Variants in SREBF2 observed in about 807,000 individuals in gnomAD.
The protein encoded by SREBF2 is sterol regulatory element binding transcription factor 2.
SREBF2 carries 55 observed loss-of-function variants against 113.1 expected under a neutral mutation model. That is an observed-to-expected ratio of 0.49 (90% confidence interval 0.39 to 0.61). The LOEUF is 0.61. SREBF2 is among the 20% of genes least tolerant of loss of function. The pLI is 0.00. For missense variants in SREBF2, 1,349 were observed against 1,487.4 expected (o/e 0.91, Z 1.53); for synonymous variants, 593 against 605.7 (o/e 0.98, Z 0.31).
intron 9 of SREBF2, among the ~76,000 whole-genome samples, chr22:41,880,113 AG>A (rs2077231334): frequency 6.6e-6 from 1 of 152,240 alleles, no homozygotes; most frequent in African/African-American, 2.4e-5. Flanking sequence ...CTGATTCAGT[AG>A]CCCTGGGGTA....
chr22:41,870,074 TCAAA>T (rs1042193974), intron 3 of SREBF2, among the ~76,000 whole-genome samples: 2 of 152,124 alleles, frequency 1.3e-5, no homozygotes, highest in Non-Finnish European at 2.9e-5. Context: ...TAGGCTGGTC[TCAAA>T]CTCCTGACCT....
At chr22:41,885,689 T>C (rs1382274399) in intron 11 of SREBF2, 1 of 158,890 alleles carries the variant, frequency 6.3e-6, no homozygotes, top group Non-Finnish European at 1.4e-5. Context: ...AGGCTTTCTC[T>C]TACTCTAGCA....
At chr22:41,856,158 G>A (rs140830120) in intron 1 of SREBF2, among the ~76,000 whole-genome samples, 2 of 151,870 alleles carry the variant, frequency 1.3e-5, no homozygotes, top group African/African-American at 2.4e-5. Flanking sequence ...ACATGGTCTT[G>A]GTCTGTCACC....
chr22:41,853,688 TA>T (rs1379417114), intron 1 of SREBF2, among the ~76,000 whole-genome samples: 2 of 152,204 alleles, frequency 1.3e-5, no homozygotes, highest in East Asian at 3.8e-4. Flanking sequence ...GTCTAACTTT[TA>T]AAAATATCTT....
chr22:41,865,374 GAGAAA>G (rs1346441264), intron 1 of SREBF2, among the ~76,000 whole-genome samples: 2 of 152,274 alleles, frequency 1.3e-5, no homozygotes, highest in Middle Eastern at 3.4e-3. Context: ...AGAGAGAAAA[GAGAAA>G]AGAATATGGA....
At chr22:41,884,816 A>G (rs2077284222) in intron 10 of SREBF2, 26 bp from the exon 11 acceptor site, 3 of 1,613,862 alleles carry the variant, frequency 1.9e-6, no homozygotes, top group Non-Finnish European at 2.5e-6. Context: ...TCCATCAACA[A>G]TAGTGTCTGT....
rs2077506752 is a variant in SREBF2 at position 41,906,115 on chromosome 22, AC to A, written c.*457del. 1 of 412,146 alleles carries A rather than the reference AC, an allele frequency of 2.4e-6. No individual in the cohort carries two copies. The highest frequency in any genetic ancestry group is 2.7e-5 in the Admixed American group (1 of 37,064). 25.5% of individuals were successfully genotyped at this position (412,146 alleles called of 1,614,324 possible). A position where few individuals can be genotyped will look rare whatever the true frequency, so the allele number is the denominator to read the frequency against. ...TCCCCTTTTTATACGAATGTTTTCT[AC>A]CAGTGTGCTTGGGTTTGCCATGATG... On this transcript the variant is annotated 3_prime_UTR_variant, in exon 19 of 19. Transcript: ENST00000361204.
rs1569389815 is a variant in SREBF2, at chr22:41,868,627, C to T, written c.555C>T (p.Val185=). 1.9e-6 allele frequency: 3 copies of T among 1,614,220 alleles called. No individual in the cohort carries two copies. The South Asian group carries it at 3.3e-5, about 18-fold the overall frequency. Residue 185 remains valine (V), a synonymous_variant, in exon 3 of 19, where the codon GTC becomes GTT. Coordinates refer to ENST00000361204, the MANE Select transcript of SREBF2 (RefSeq NM_004599.4). The part of the protein sequence containing the change: ...ATSFQVLQPQ[V]QSLVTSSQVQ... Reference sequence around the variant, plus strand: ...TCTCCCAAGTCCTTCAGCCTCAAGTCCAAAGCCTGGTGACATCCTCCCAGG... The same window carrying T: ...TCTCCCAAGTCCTTCAGCCTCAAGTTCAAAGCCTGGTGACATCCTCCCAGG...
chr22:41,862,948 C>T (rs753706169), intron 1 of SREBF2, among the ~76,000 whole-genome samples: 1 of 152,206 alleles, frequency 6.6e-6, no homozygotes, highest in Admixed American at 6.5e-5. Flanking sequence ...CACACTCTTA[C>T]GCTTCGTGAA....
Position 41,833,206 on chromosome 22 carries a change from GACGGCAC to G in SREBF2, c.-64_-58del. On this transcript the variant is annotated 5_prime_UTR_variant, in exon 1 of 19. It removes the in-frame stop codon of an upstream open reading frame in the 5' UTR. Coordinates refer to ENST00000361204, the MANE Select transcript of SREBF2 (RefSeq NM_004599.4). This position sits in a 1 kb window ranked among gnomAD's most constrained non-coding sequence, Gnocchi z 4.1. Reference sequence around the variant, plus strand: ...GTTGTCGGGTGTCATGGGCGGTGGCGACGGCACCGCCCCCGCGTCTCCCTGAGCGGGA... The same window carrying G: ...GTTGTCGGGTGTCATGGGCGGTGGCGCGCCCCCGCGTCTCCCTGAGCGGGA... 1 of 1,361,796 alleles carries G rather than the reference GACGGCAC, an allele frequency of 7.3e-7. No homozygotes were observed. The highest frequency in any genetic ancestry group is 9.9e-7 in the Non-Finnish European group (1 of 1,014,094). The allele number at this position is 1,361,796 out of a possible 1,614,324, so 84.4% of individuals were successfully genotyped here.
intron 1 of SREBF2, among the ~76,000 whole-genome samples, chr22:41,845,806 T>C (rs1170071051): frequency 1.3e-5 from 2 of 152,220 alleles, no homozygotes; most frequent in Non-Finnish European, 2.9e-5. Context: ...GGAATATGTG[T>C]GTCAGAGTAC....
At chr22:41,885,417 C>T (rs1264672899) in intron 11 of SREBF2, among the ~76,000 whole-genome samples, 1 of 152,160 alleles carries the variant, frequency 6.6e-6, no homozygotes, top group Non-Finnish European at 1.5e-5. Flanking sequence ...ATTTATTGGG[C>T]ATCTTGTATT....
rs982567740 is a variant in SREBF2 at position 41,885,030 on chromosome 22, C to A, written c.2208+19C>A. ...CCTGGCCGTGAGTACCCTTCGGTTC[C>A]CTTCTGTAAACCTCCCCTGAGCACT... On this transcript the variant is annotated intron_variant, in intron 11 of 18. Transcript: ENST00000361204. 1.4e-5 allele frequency: 22 copies of A among 1,613,512 alleles called. No homozygotes were observed. The highest frequency in any genetic ancestry group is 1.8e-5 in the Non-Finnish European group (21 of 1,179,906).
Position 41,864,223 on chromosome 22 carries a change from CATAT to C in SREBF2, c.89-2572_89-2569del, listed in dbSNP as rs756489276. On this transcript the variant is annotated intron_variant, in intron 1 of 18. Transcript: ENST00000361204. ...TTTATTTTTCCTATCCTTCTGCAAG[CATAT>C]ATATATATATATATATATATATATA... is the stretch of plus-strand genomic sequence containing the variant. Among the ~76,000 whole-genome samples, 187 of 46,318 alleles carry C rather than the reference CATAT, an allele frequency of 4.0e-3. 2 individuals are homozygous for C. The highest frequency in any genetic ancestry group is 8.6e-3 in the South Asian group (9 of 1,042). 30.4% of individuals were successfully genotyped at this position (46,318 alleles called of 152,430 possible).
chr22:41,858,737 AC>A (rs1211972286), intron 1 of SREBF2, among the ~76,000 whole-genome samples: 1 of 152,062 alleles, frequency 6.6e-6, no homozygotes, highest in Non-Finnish European at 1.5e-5. Context: ...ACAGAGTAAG[AC>A]CCTGTCTCTA....
intron 1 of SREBF2, among the ~76,000 whole-genome samples, chr22:41,857,504 A>G (rs1340577568): frequency 6.6e-6 from 1 of 152,110 alleles, no homozygotes; most frequent in African/African-American, 2.4e-5. Context: ...GAATTGTTTT[A>G]TTTTATTATG....
chr22:41,872,718 C>G (rs548135152), intron 4 of SREBF2, among the ~76,000 whole-genome samples: 1 of 151,336 alleles, frequency 6.6e-6, no homozygotes, highest in African/African-American at 2.4e-5. Context: ...TGATGAAATC[C>G]CATCTCTACT....
intron 7 of SREBF2, among the ~76,000 whole-genome samples, chr22:41,876,252 T>C (rs916162342): frequency 2.0e-5 from 3 of 152,264 alleles, no homozygotes; most frequent in Non-Finnish European, 2.9e-5. Context: ...ATGATCTTCC[T>C]GGGAACCTGT....
At position 41,833,119 on chromosome 22, in the gene SREBF2, C is replaced by A; in HGVS notation, c.-152C>A. The A allele has an allele frequency of 3.6e-6, 2 of 550,258 alleles. No homozygotes were observed. The highest frequency in any genetic ancestry group is 6.0e-6 in the Non-Finnish European group (2 of 335,124). 34.1% of individuals were successfully genotyped at this position (550,258 alleles called of 1,614,324 possible). Reference sequence around the variant, plus strand: ...CCCGCCCCGCCCTTTCTGTGCGGCGCCCGGGCGCAACGCAAACATGGCGGC... The same window carrying A: ...CCCGCCCCGCCCTTTCTGTGCGGCGACCGGGCGCAACGCAAACATGGCGGC... On this transcript the variant is annotated 5_prime_UTR_variant, in exon 1 of 19. Transcript: ENST00000361204. The surrounding 1 kb of genome is among the most constrained non-coding windows in gnomAD (Gnocchi z 4.1).
Sources: allele counts gnomAD v4.1 joint callset (sites outside exome capture counted in the v4.1 genomes callset), GRCh38; gene constraint gnomAD v4.1.1; non-coding constraint Gnocchi (gnomAD v3.1); transcripts MANE v1.5; gene names NCBI Gene and HGNC (gene_info 2026-07-23, HGNC 2026-07-21).